Variants in ERG observed in about 807,000 individuals in gnomAD.
ERG encodes the protein ETS transcription factor ERG.
ERG carries 9 observed loss-of-function variants against 55.3 expected under a neutral mutation model. The observed-to-expected ratio is 0.16, with a 90% CI of 0.10 to 0.28. The LOEUF is 0.28. Among genes scored for constraint, ERG ranks in the 10% least tolerant of loss-of-function variants. ERG has a pLI of 1.00. For missense variants in ERG, 434 were observed against 631.6 expected (o/e 0.69, Z 3.35); for synonymous variants, 223 against 237.3 (o/e 0.94, Z 0.55).
At chr21:38,431,209 C>T (rs1431502713) in intron 2 of ERG, among the ~76,000 whole-genome samples, 2 of 152,146 alleles carry the variant, frequency 1.3e-5, no homozygotes, top group Non-Finnish European at 2.9e-5. Flanking sequence ...GGAGAGAAGG[C>T]AGACACGTTG....
intron 1 of ERG, among the ~76,000 whole-genome samples, chr21:38,660,359 G>A (rs936077164): frequency 6.6e-6 from 1 of 152,138 alleles, no homozygotes; most frequent in Admixed American, 6.5e-5. Context: ...CCCCGCACTG[G>A]CGAGCCGTCC....
intron 1 of ERG, chr21:38,471,822 C>T (rs376947898): frequency 6.6e-6 from 1 of 152,152 alleles, no homozygotes; most frequent in Non-Finnish European, 1.5e-5. Flanking sequence ...TCTAATTACA[C>T]GTGAAAATAC....
chr21:38,646,926 G>A lies in ERG; in HGVS notation c.-150+14732C>T, dbSNP rs1373190835. On this transcript the variant is annotated intron_variant, in intron 1 of 10. Transcript: ENST00000398910. ...CCAAAGCGTGCAGGGAAAAGGCTGCGTGCTCAGGTCCAGAAGTTCATAAAG... is the reference window on the plus strand; with the variant it reads ...CCAAAGCGTGCAGGGAAAAGGCTGCATGCTCAGGTCCAGAAGTTCATAAAG... Among the ~76,000 whole-genome samples, 6 of 152,140 alleles carry A rather than the reference G, an allele frequency of 3.9e-5. No individual in the cohort carries two copies. In the South Asian group the frequency reaches 6.2e-4, roughly 16 times the overall value.
intron 2 of ERG, among the ~76,000 whole-genome samples, chr21:38,507,435 C>A (rs2059471359): frequency 1.3e-5 from 2 of 152,204 alleles, no homozygotes; most frequent in South Asian, 4.1e-4. Context: ...TGGAAGGCAG[C>A]CATCTTCCCG....
At chr21:38,475,250 G>A (rs2059176757) in intron 1 of ERG, among the ~76,000 whole-genome samples, 1 of 152,194 alleles carries the variant, frequency 6.6e-6, no homozygotes, top group African/African-American at 2.4e-5. Context: ...TGGGAAGAAG[G>A]GAGAAGGGAA....
chr21:38,424,521 C>A (rs182681159), intron 2 of ERG, among the ~76,000 whole-genome samples: 73 of 152,260 alleles, frequency 4.8e-4, no homozygotes, highest in African/African-American at 1.7e-3. Context: ...GTCAAAACTC[C>A]ATCTGTGACA....
intron 1 of ERG, among the ~76,000 whole-genome samples, chr21:38,644,928 G>A (rs2060446896): frequency 6.6e-6 from 1 of 152,172 alleles, no homozygotes; most frequent in South Asian, 2.1e-4. Flanking sequence ...GGGCCAAGGA[G>A]GGAGCATCTC....
At chr21:38,574,570 A>G (rs2059983303) in intron 2 of ERG, among the ~76,000 whole-genome samples, 1 of 152,240 alleles carries the variant, frequency 6.6e-6, no homozygotes, top group Non-Finnish European at 1.5e-5. Context: ...TGAGCTGCAC[A>G]TGGTCCAGAA....
chr21:38,581,917 C>A (rs953103687), intron 1 of ERG, among the ~76,000 whole-genome samples: 2 of 152,024 alleles, frequency 1.3e-5, no homozygotes, highest in Non-Finnish European at 2.9e-5. Flanking sequence ...GTGGTGGACG[C>A]CTGTAGTCCC....
At position 38,380,551 on chromosome 21, in the gene ERG, A is replaced by C; in HGVS notation, c.*2852T>G. 1 of 1,065,964 alleles carries C rather than the reference A, an allele frequency of 9.4e-7. No individual in the cohort carries two copies. The highest frequency in any genetic ancestry group is 1.1e-6 in the Non-Finnish European group (1 of 879,668). The allele number at this position is 1,065,964 out of a possible 1,614,324, so 66.0% of individuals were successfully genotyped here. ...TCTGAGTATACATCAGGGCAAGCCA[A>C]GAGACAGGGACAAACAGAGAGAAAA... On this transcript the variant is annotated 3_prime_UTR_variant, in exon 10 of 10. Transcript: ENST00000288319.
intron 1 of ERG, among the ~76,000 whole-genome samples, chr21:38,577,353 G>A (rs1282283573): frequency 6.6e-6 from 1 of 152,152 alleles, no homozygotes; most frequent in Non-Finnish European, 1.5e-5. Context: ...AAGATTGGCG[G>A]AGCTTGGCTC....
chr21:38,478,338 A>G (rs1335474644), intron 1 of ERG, among the ~76,000 whole-genome samples: 5 of 152,268 alleles, frequency 3.3e-5, no homozygotes, highest in African/African-American at 1.2e-4. Context: ...CTGTGAAAAT[A>G]GAGCAAGTGG....
At chr21:38,486,550 T>C (rs796451409) in intron 1 of ERG, among the ~76,000 whole-genome samples, 2 of 152,050 alleles carry the variant, frequency 1.3e-5, no homozygotes, top group South Asian at 4.1e-4. Context: ...TAACCAGGTA[T>C]AAATGCAGGA....
In ERG at chr21:38,383,656, G is replaced by A; in HGVS notation, c.1187C>T (p.Ala396Val). 1 of 1,614,154 alleles carries A rather than the reference G, an allele frequency of 6.2e-7. No homozygotes were observed. Among genetic ancestry groups the A allele is most frequent in the South Asian group, 1.1e-5 (1 of 91,076 alleles). ...CGGGGGGTGGGGCTGGAGGGCCTGG[G>A]CGATCCCGTGGAAGTCGAACTTGTA... ...YAYKFDFHGI[A>V]QALQPHPPES... Residue 396 changes from alanine to valine, a missense_variant, in exon 10 of 10, where the codon GCC becomes GTC. By Grantham distance (64) the Ala-to-Val change is moderately conservative (BLOSUM62 0). Transcript: ENST00000288319. The surrounding 1 kb of genome is among the most constrained non-coding windows in gnomAD (Gnocchi z 5.7).
intron 1 of ERG, among the ~76,000 whole-genome samples, chr21:38,489,701 G>A (rs1247796788): frequency 6.6e-6 from 1 of 152,234 alleles, no homozygotes; most frequent in East Asian, 1.9e-4. Context: ...ACTTTTGCCT[G>A]GCGTAGGCCA....
At chr21:38,516,892 C>A (rs957946060) in intron 2 of ERG, among the ~76,000 whole-genome samples, 2 of 152,098 alleles carry the variant, frequency 1.3e-5, no homozygotes, top group African/African-American at 4.8e-5. Flanking sequence ...ATAAATGGTG[C>A]TGGAATAATT....
At chr21:38,522,082 G>T (rs906143720) in intron 2 of ERG, among the ~76,000 whole-genome samples, 1 of 152,134 alleles carries the variant, frequency 6.6e-6, no homozygotes, top group African/African-American at 2.4e-5. Flanking sequence ...ATTATAGAAA[G>T]AGTTGCTTTA....
At chr21:38,569,595 C>A (rs924109741) in intron 2 of ERG, among the ~76,000 whole-genome samples, 2 of 152,150 alleles carry the variant, frequency 1.3e-5, no homozygotes, top group South Asian at 2.1e-4. Context: ...GATATATAAT[C>A]TATTTGTGCA....
intron 1 of ERG, among the ~76,000 whole-genome samples, chr21:38,454,169 ATAAT>A (rs2058966952): frequency 6.6e-6 from 1 of 152,232 alleles, no homozygotes; most frequent in African/African-American, 2.4e-5. Context: ...CTAGTTTTAA[ATAAT>A]TCATTTGAGA....
Sources: allele counts gnomAD v4.1 joint callset (sites outside exome capture counted in the v4.1 genomes callset), GRCh38; gene constraint gnomAD v4.1.1; non-coding constraint Gnocchi (gnomAD v3.1); transcripts MANE v1.5; gene names NCBI Gene and HGNC (gene_info 2026-07-23, HGNC 2026-07-21).